SPINK1: variants seen among roughly 807,000 people sequenced by gnomAD.
SPINK1 encodes serine peptidase inhibitor Kazal type 1.
A neutral mutation model predicts 9.5 loss-of-function variants in SPINK1; 5 were observed. The ratio of observed to expected loss-of-function variants is 0.52; its 90% CI spans 0.27 to 1.10. The LOEUF is 1.10. Ranked by LOEUF, SPINK1 falls within the 50% of genes least tolerant of loss-of-function variation. The pLI is 0.11. For synonymous variants in SPINK1, 37 were observed against 32.3 expected, an observed-to-expected ratio of 1.14 and a Z score of -0.49; for missense variants, 88 against 92.7, an observed-to-expected ratio of 0.95 and a Z score of 0.21.
At chr5:147,836,161 A>C (rs1209503895), upstream of SPINK1, among the ~76,000 whole-genome samples, 3 of 152,010 alleles carry the variant, frequency 2.0e-5, no homozygotes, top group Non-Finnish European at 4.4e-5. Context: ...TTCATCAGTC[A>C]CTGCAGTATT....
the SPINK1 span, among the ~76,000 whole-genome samples, chr5:147,838,269 T>C: frequency 2.0e-5 from 3 of 152,110 alleles, no homozygotes; most frequent in Admixed American, 6.5e-5. Flanking sequence ...CCTATGAAAA[T>C]CAAAGAAGAA....
chr5:147,827,102 G>A (rs1406776841), intron 3 of SPINK1: 1 of 151,544 alleles, frequency 6.6e-6, no homozygotes, highest in Non-Finnish European at 1.5e-5. Flanking sequence ...TTAAGATGGA[G>A]TCTCACTCTT....
rs749558779 is a variant in SPINK1, at chr5:147,824,686, A to G, written c.215T>C (p.Leu72Pro). 20 of 1,614,116 alleles carry G rather than the reference A, an allele frequency of 1.2e-5. No homozygotes were observed. The highest frequency in any genetic ancestry group is 1.7e-4 in the Middle Eastern group (1 of 6,060). ...TCAGCAAGGCCCAGATTTTTGAATG[A>G]GGATAGAAGTCTGGCGTTTCCTGCA... ...FENRKRQTSI[L>P]IQKSGPC The change falls in exon 4 of 4, where the codon CTC (leucine) becomes CCC (proline). Residue 72 changes from leucine to proline, a missense_variant. Physicochemically the swap from Leu to Pro is moderately conservative, Grantham distance 98 (BLOSUM62 -3). Coordinates refer to ENST00000296695, the MANE Select transcript of SPINK1 (RefSeq NM_001379610.1).
At position 147,828,791 on chromosome 5, in the gene SPINK1, A is replaced by G. The variant is rs918784065; in HGVS notation, c.88-663T>C. On this transcript the variant is annotated intron_variant, in intron 2 of 3. Coordinates refer to ENST00000296695, the MANE Select transcript of SPINK1 (RefSeq NM_001379610.1). ...ATTAGCCAAGGCCACCCAGCTAAGG[A>G]ATTCCTAAATTCAGAATTCAAACCT... Among the ~76,000 whole-genome samples the G allele has an allele frequency of 1.7e-4, 26 of 152,226 alleles. 1 individual carries two copies. Among genetic ancestry groups the G allele is most frequent in the African/African-American group, 4.8e-4 (20 of 41,448 alleles).
At chr5:147,834,895 T>C (rs571936598), upstream of SPINK1, among the ~76,000 whole-genome samples, 4 of 152,196 alleles carry the variant, frequency 2.6e-5, no homozygotes, top group Admixed American at 2.6e-4. Context: ...AATAAAACAG[T>C]CTTATTATAT....
At position 147,827,707 on chromosome 5, in the gene SPINK1, TA is replaced by T. The variant is rs1046083002; in HGVS notation, c.194+314del. 3.1e-4 allele frequency: 74 copies of T among 235,710 alleles called. 1 individual carries two copies. The highest frequency in any genetic ancestry group is 1.6e-3 in the African/African-American group (68 of 43,298). 14.6% of individuals were successfully genotyped at this position (235,710 alleles called of 1,614,324 possible). On this transcript the variant is annotated intron_variant, in intron 3 of 3. Coordinates refer to ENST00000296695, the MANE Select transcript of SPINK1 (RefSeq NM_001379610.1). The stretch of plus-strand genomic sequence containing the variant: ...ATAATCTATACAATTTATATTTGCA[TA>T]ACTGAGGGCTTTAAAAAACACAATC...
chr5:147,833,923 C>T (rs1166833275), upstream of SPINK1, among the ~76,000 whole-genome samples: 1 of 152,068 alleles, frequency 6.6e-6, no homozygotes, highest in African/African-American at 2.4e-5. Context: ...TCTCTGTTAC[C>T]CTTTACTAGG....
At chr5:147,827,925 A>AG in intron 3 of SPINK1, 97 bp downstream of exon 3, 2 of 857,652 alleles carry the variant, frequency 2.3e-6, no homozygotes, top group Non-Finnish European at 3.7e-6. Context: ...AAAAGTAAAT[A>AG]GTTTGCTTTT....
chr5:147,834,985 A>T (rs184242707), upstream of SPINK1, among the ~76,000 whole-genome samples: 1 of 152,082 alleles, frequency 6.6e-6, no homozygotes, highest in Non-Finnish European at 1.5e-5. Context: ...AAAACATTTC[A>T]CTACAGAAAC....
At chr5:147,832,476 T>C (rs911126840), upstream of SPINK1, among the ~76,000 whole-genome samples, 9 of 152,308 alleles carry the variant, frequency 5.9e-5, no homozygotes, top group Admixed American at 2.0e-4. Flanking sequence ...ATACGTAATG[T>C]CTCCCTCTGC....
upstream of SPINK1, among the ~76,000 whole-genome samples, chr5:147,835,167 T>C (rs1282622423): frequency 1.3e-5 from 2 of 152,144 alleles, no homozygotes. Flanking sequence ...ATTATAAATC[T>C]GCCATTTCAA....
intron 3 of SPINK1, among the ~76,000 whole-genome samples, chr5:147,826,343 C>A (rs932146129): frequency 6.6e-6 from 1 of 152,120 alleles, no homozygotes; most frequent in Non-Finnish European, 1.5e-5. Flanking sequence ...GAGAAAGCAA[C>A]ATTTTGTCTC....
At chr5:147,835,566 C>A (rs1034918646), upstream of SPINK1, among the ~76,000 whole-genome samples, 4 of 152,030 alleles carry the variant, frequency 2.6e-5, no homozygotes, top group African/African-American at 9.7e-5. Flanking sequence ...TTATGCATGT[C>A]TATCTTTGGG....
At chr5:147,829,672 A>C in intron 1 of SPINK1, 42 bp from the exon 2 acceptor site, 6 of 1,571,806 alleles carry the variant, frequency 3.8e-6, no homozygotes, top group Non-Finnish European at 5.3e-6. Context: ...CCTAAATGAA[A>C]GAAGTCAGAT....
intron 3 of SPINK1, chr5:147,827,815 T>TA (rs1387396617): frequency 4.3e-6 from 2 of 464,656 alleles, no homozygotes; most frequent in African/African-American, 2.0e-5. Flanking sequence ...TATTTTGCTG[T>TA]AAAAAATATA....
intron 1 of SPINK1, 98 bp from the exon 2 acceptor site, chr5:147,829,728 C>G: frequency 9.4e-7 from 1 of 1,064,272 alleles, no homozygotes. Flanking sequence ...ACTGTGACTT[C>G]TTTACTAGGC....
At chr5:147,830,333 A>G (rs1756487189) in intron 1 of SPINK1, among the ~76,000 whole-genome samples, 1 of 152,216 alleles carries the variant, frequency 6.6e-6, no homozygotes, top group African/African-American at 2.4e-5. Flanking sequence ...CTGACAACAT[A>G]TAGGAAATGA....
intron 3 of SPINK1, among the ~76,000 whole-genome samples, chr5:147,825,226 C>T (rs138993768): frequency 1.2e-4 from 19 of 152,210 alleles, no homozygotes; most frequent in African/African-American, 4.6e-4. Flanking sequence ...TCTCTGTTCG[C>T]CCCACACTAC....
At chr5:147,830,429 A>G (rs1459473225) in intron 1 of SPINK1, among the ~76,000 whole-genome samples, 3 of 152,212 alleles carry the variant, frequency 2.0e-5, no homozygotes, top group African/African-American at 7.2e-5. Flanking sequence ...TAATTTTAAT[A>G]TCATCAATCT....
Sources: allele counts gnomAD v4.1 joint callset (sites outside exome capture counted in the v4.1 genomes callset), GRCh38; gene constraint gnomAD v4.1.1; transcripts MANE v1.5; gene names NCBI Gene and HGNC (gene_info 2026-07-23, HGNC 2026-07-21).